STK26: variants seen among roughly 807,000 people sequenced by gnomAD.
STK26 encodes serine/threonine kinase 26.
In STK26, 14 loss-of-function variants were observed where a neutral mutation model predicts 34.7. That is an observed-to-expected ratio of 0.40 (90% CI 0.27 to 0.63). STK26 has a LOEUF of 0.63. Ranked by LOEUF, STK26 falls within the 30% of genes least tolerant of loss-of-function variation. The pLI is 0.38. For missense variants in STK26, 226 were observed against 309.1 expected, an observed-to-expected ratio of 0.73 and a Z score of 2.02; for synonymous variants, 100 against 109.8, an observed-to-expected ratio of 0.91 and a Z score of 0.56.
intron 6 of STK26, 68 bp from the exon 7 acceptor site, chrX:132,069,410 C>CACATATATATATATATATATAT (rs1295110654): frequency 1.2e-5 from 1 of 81,791 alleles, no homozygotes; most frequent in African/African-American, 6.6e-5. Flanking sequence ...CATACATACA[C>CACATATATATATATATATATAT]ATATATATAT....
At position 132,054,679 on chromosome X, in the gene STK26, G is replaced by A; in HGVS notation, c.91G>A (p.Gly31Arg). Residue 31 changes from glycine to arginine, a missense_variant, in exon 3 of 12, where the codon GGG becomes AGG. Transcript: ENST00000394334. ...ACTGTTCACAAAATTAGAGCGCATTGGGAAAGGCTCATTTGGGGAAGTTTT... is the reference window on the plus strand; with the variant it reads ...ACTGTTCACAAAATTAGAGCGCATTAGGAAAGGCTCATTTGGGGAAGTTTT... ...EELFTKLERIGKGSFGEVFKG... is the reference protein window; with the variant it reads ...EELFTKLERIRKGSFGEVFKG... 1.7e-6 allele frequency: 2 copies of A among 1,211,609 alleles called. No homozygotes were observed. The highest frequency in any genetic ancestry group is 2.2e-6 in the Non-Finnish European group (2 of 895,388).
intron 3 of STK26, 110 bp from the exon 4 acceptor site, chrX:132,063,323 T>G: frequency 1.5e-6 from 1 of 673,142 alleles, no homozygotes. Flanking sequence ...CACAAATAAA[T>G]GAGAACATGC....
chrX:132,025,854 A>G (rs1199355751), intron 2 of STK26, among the ~76,000 whole-genome samples: 1 of 111,263 alleles, frequency 9.0e-6, no homozygotes, highest in East Asian at 2.8e-4. Context: ...TATTATTGTT[A>G]TGTAGCAAAA....
intron 4 of STK26, among the ~76,000 whole-genome samples, chrX:132,064,742 T>A (rs1927164457): frequency 9.0e-6 from 1 of 111,726 alleles, no homozygotes. Context: ...ATATTTTTTT[T>A]ATTTGCGTGT....
chrX:132,039,629 T>G lies in STK26; in HGVS notation c.43-15002T>G, dbSNP rs780089329. On this transcript the variant is annotated intron_variant, in intron 2 of 11. Transcript: ENST00000394334. ...TTCCAGGCAAATTTTGAATTTGATG[T>G]AAATAATTTTTAACTGAAGCAATGA... Among the ~76,000 whole-genome samples, 255 of 112,111 alleles carry G rather than the reference T, an allele frequency of 2.3e-3. 1 individual carries two copies. Among genetic ancestry groups the G allele is most frequent in the African/African-American group, 7.9e-3 (244 of 30,899 alleles).
intron 2 of STK26, among the ~76,000 whole-genome samples, chrX:132,033,686 A>T (rs1052572127): frequency 8.9e-6 from 1 of 111,895 alleles, no homozygotes; most frequent in Non-Finnish European, 1.9e-5. Flanking sequence ...ACATGGTTTG[A>T]TTTAAGCCAG....
intron 2 of STK26, among the ~76,000 whole-genome samples, chrX:132,045,480 T>A (rs1450165571): frequency 8.9e-6 from 1 of 112,049 alleles, no homozygotes; most frequent in Admixed American, 9.5e-5. Flanking sequence ...CCTCTCTCCC[T>A]CATACAGATG....
chrX:132,073,064 G>A lies in STK26; in HGVS notation c.1197G>A (p.Met399Ile). The change falls in exon 11 of 12, where the codon ATG becomes ATA. Residue 399 changes from methionine to isoleucine, a missense_variant. Met to Ile is a conservative substitution (Grantham distance 10, BLOSUM62 1). Transcript: ENST00000394334. Reference sequence around the variant, plus strand: ...CCTGTCCCGGCATCACAGATAAAATGGTGAAGAAACTAATTGAAAAATTTC... The same window carrying A: ...CCTGTCCCGGCATCACAGATAAAATAGTGAAGAAACTAATTGAAAAATTTC... ...EAACPGITDKMVKKLIEKFQK... is the reference protein window; with the variant it reads ...EAACPGITDKIVKKLIEKFQK... 1.7e-6 allele frequency: 2 copies of A among 1,194,047 alleles called. No individual in the cohort carries two copies. Among genetic ancestry groups the A allele is most frequent in the South Asian group, 1.9e-5 (1 of 53,805 alleles).
chrX:132,047,476 A>G (rs1926536904), intron 2 of STK26, among the ~76,000 whole-genome samples: 1 of 111,425 alleles, frequency 9.0e-6, no homozygotes, highest in African/African-American at 3.3e-5. Context: ...ACAGAACTGG[A>G]AACCTTAGTA....
intron 3 of STK26, chrX:132,055,364 T>G (rs1385827250): frequency 1.2e-6 from 1 of 821,319 alleles, no homozygotes; most frequent in East Asian, 3.4e-5. Flanking sequence ...TGGTACATCT[T>G]AAGCATGTGG....
chrX:132,070,052 T>A (rs920407205), intron 7 of STK26, among the ~76,000 whole-genome samples: 1 of 111,334 alleles, frequency 9.0e-6, no homozygotes, highest in Non-Finnish European at 1.9e-5. Flanking sequence ...CTATTTTTTT[T>A]TTTTGAGATG....
intron 3 of STK26, among the ~76,000 whole-genome samples, chrX:132,062,264 C>A (rs1927077449): frequency 8.9e-6 from 1 of 112,215 alleles, no homozygotes; most frequent in Non-Finnish European, 1.9e-5. Flanking sequence ...GAGAATACCA[C>A]TCATGAAATG....
intron 2 of STK26, among the ~76,000 whole-genome samples, chrX:132,041,655 T>TA (rs1172850896): frequency 4.6e-5 from 5 of 109,491 alleles, no homozygotes; most frequent in Admixed American, 2.9e-4. Flanking sequence ...GTATAAAATT[T>TA]AAAAAAAAAG....
At chrX:132,049,396 A>G (rs1926610663) in intron 2 of STK26, among the ~76,000 whole-genome samples, 1 of 112,358 alleles carries the variant, frequency 8.9e-6, no homozygotes, top group Admixed American at 9.5e-5. Context: ...AGGCAATCAT[A>G]ATAGAACAGT....
intron 2 of STK26, among the ~76,000 whole-genome samples, chrX:132,039,803 A>AT (rs1926195315): frequency 8.9e-6 from 1 of 111,965 alleles, no homozygotes; most frequent in African/African-American, 3.2e-5. Flanking sequence ...GATTCCTTGT[A>AT]TTTTTGGAAA....
At chrX:132,032,476 CA>C (rs760494110) in intron 2 of STK26, among the ~76,000 whole-genome samples, 13 of 111,959 alleles carry the variant, frequency 1.2e-4, no homozygotes, top group African/African-American at 4.2e-4. Context: ...AAAATGTTTA[CA>C]GAAAAAGTTT....
At chrX:132,035,470 TG>T (rs1456002767) in intron 2 of STK26, among the ~76,000 whole-genome samples, 2 of 110,615 alleles carry the variant, frequency 1.8e-5, no homozygotes, top group Non-Finnish European at 3.8e-5. Flanking sequence ...ATAATTTTAT[TG>T]TTTATTTTGT....
At chrX:132,045,255 C>G (rs1569330427) in intron 2 of STK26, among the ~76,000 whole-genome samples, 1 of 111,156 alleles carries the variant, frequency 9.0e-6, no homozygotes, top group African/African-American at 3.3e-5. Flanking sequence ...GAATTTCTCA[C>G]TGGAACAATG....
In STK26 at chrX:132,073,024, C is replaced by A. The variant is rs201251228; in HGVS notation, c.1157C>A (p.Ala386Asp). 3.3e-6 allele frequency: 4 copies of A among 1,210,412 alleles called. No individual in the cohort carries two copies. The highest frequency in any genetic ancestry group is 1.1e-6 in the Non-Finnish European group (1 of 894,421). ...QAIEELEKSI[A>D]VAEAACPGIT... ...ATTGAAGAACTCGAGAAAAGTATTG[C>A]TGTGGCTGAAGCCGCCTGTCCCGGC... Residue 386 changes from alanine (A) to aspartate (D), a missense_variant, in exon 11 of 12, where the codon GCT (alanine) becomes GAT (aspartate). Ala to Asp is a moderately radical substitution (Grantham distance 126). Coordinates refer to ENST00000394334, the MANE Select transcript of STK26 (RefSeq NM_016542.4).
Sources: allele counts gnomAD v4.1 joint callset (sites outside exome capture counted in the v4.1 genomes callset), GRCh38; gene constraint gnomAD v4.1.1; transcripts MANE v1.5; gene names NCBI Gene and HGNC (gene_info 2026-07-23, HGNC 2026-07-21).